Variants in CDH18 observed in about 807,000 individuals in gnomAD.
CDH18 encodes cadherin-18.
CDH18 carries 31 observed loss-of-function variants against 67.9 expected under a neutral mutation model. The observed-to-expected ratio is 0.46, with a 90% CI of 0.34 to 0.62. The LOEUF (loss-of-function observed/expected upper bound fraction) is 0.62. Ranked by LOEUF, CDH18 falls within the 20% of genes least tolerant of loss-of-function variation. The pLI is 0.01. For synonymous variants in CDH18, 362 were observed against 347.2 expected, an observed-to-expected ratio of 1.04 and a Z score of -0.48; for missense variants, 890 against 975.5, an observed-to-expected ratio of 0.91 and a Z score of 1.17.
chr5:20,514,081 A>C (rs993000836), intron 1 of CDH18, among the ~76,000 whole-genome samples: 3 of 152,180 alleles, frequency 2.0e-5, no homozygotes, highest in African/African-American at 7.2e-5. Flanking sequence ...TAGAAAAAAC[A>C]GTATATAAAA....
At chr5:19,750,663 C>A (rs1770713642) in intron 3 of CDH18, among the ~76,000 whole-genome samples, 1 of 151,920 alleles carries the variant, frequency 6.6e-6, no homozygotes, top group South Asian at 2.1e-4. Flanking sequence ...CTTAGCTAAC[C>A]ACTATACTAC....
rs936572396 is a variant in CDH18, at chr5:20,502,053, G to T, written c.-580+73409C>A. 3.3e-5 allele frequency among the ~76,000 whole-genome samples: 5 copies of T among 152,058 alleles called. No individual in the cohort carries two copies. In the East Asian group the frequency reaches 9.7e-4, roughly 29 times the overall value. On this transcript the variant is annotated intron_variant, in intron 1 of 14. Coordinates refer to the CDH18 transcript ENST00000507958. Reference sequence around the variant, plus strand: ...AAACAGTGTGTATCTTTTAGGACGAGCTGCTCTGACACCATTGTTCAGAAA... The same window carrying T: ...AAACAGTGTGTATCTTTTAGGACGATCTGCTCTGACACCATTGTTCAGAAA...
At chr5:20,336,826 A>AC (rs1369738982) in intron 1 of CDH18, among the ~76,000 whole-genome samples, 1 of 151,758 alleles carries the variant, frequency 6.6e-6, no homozygotes, top group Non-Finnish European at 1.5e-5. Context: ...CAATAAATCA[A>AC]CCTAAATGTC....
At chr5:20,113,793 T>G (rs1332377199) in intron 2 of CDH18, among the ~76,000 whole-genome samples, 2 of 152,132 alleles carry the variant, frequency 1.3e-5, no homozygotes, top group African/African-American at 4.8e-5. Flanking sequence ...CTAGCGCAAG[T>G]CCAGAGAGAA....
chr5:19,537,936 A>G (rs892835477), intron 9 of CDH18, among the ~76,000 whole-genome samples: 10 of 152,216 alleles, frequency 6.6e-5, no homozygotes, highest in African/African-American at 2.4e-4. Flanking sequence ...GCTAAAATAC[A>G]GAAAATTTTA....
chr5:20,231,526 G>A (rs1188477377), intron 2 of CDH18, among the ~76,000 whole-genome samples: 1 of 151,940 alleles, frequency 6.6e-6, no homozygotes, highest in Non-Finnish European at 1.5e-5. Context: ...TTGAACCCGG[G>A]AGGCGGAGGT....
At chr5:19,511,519 T>C (rs1436529105) in intron 10 of CDH18, among the ~76,000 whole-genome samples, 1 of 152,108 alleles carries the variant, frequency 6.6e-6, no homozygotes, top group Non-Finnish European at 1.5e-5. Flanking sequence ...CAGATAGTGA[T>C]ATCTAAAATG....
chr5:20,306,539 A>ATC (rs1171171540), intron 1 of CDH18, among the ~76,000 whole-genome samples: 2 of 151,970 alleles, frequency 1.3e-5, no homozygotes, highest in African/African-American at 2.4e-5. Context: ...GCATATGTTA[A>ATC]TCACACTCTT....
At chr5:19,830,937 A>G (rs1780956574) in intron 3 of CDH18, among the ~76,000 whole-genome samples, 2 of 152,098 alleles carry the variant, frequency 1.3e-5, no homozygotes, top group African/African-American at 2.4e-5. Flanking sequence ...ACGCAGGAAG[A>G]GAAAACCACA....
chr5:19,850,976 G>T (rs1000960115), intron 2 of CDH18, among the ~76,000 whole-genome samples: 1 of 151,828 alleles, frequency 6.6e-6, no homozygotes, highest in African/African-American at 2.4e-5. Flanking sequence ...TCAAAAGACT[G>T]AATATATCAC....
intron 1 of CDH18, among the ~76,000 whole-genome samples, chr5:20,337,685 T>C (rs1297469863): frequency 6.6e-6 from 1 of 152,210 alleles, no homozygotes; most frequent in Non-Finnish European, 1.5e-5. Context: ...TTTTCATATT[T>C]TCCTGTTTTC....
chr5:20,072,484 C>T (rs978885559), intron 2 of CDH18, among the ~76,000 whole-genome samples: 4 of 151,950 alleles, frequency 2.6e-5, no homozygotes, highest in East Asian at 3.9e-4. Context: ...GTAGTAACAA[C>T]TGAAATGGAC....
At chr5:20,328,508 T>TGA (rs1186669088) in intron 1 of CDH18, among the ~76,000 whole-genome samples, 52 of 112,098 alleles carry the variant, frequency 4.6e-4, no homozygotes, top group African/African-American at 1.2e-3. Flanking sequence ...TGTGTGTGTG[T>TGA]GAGAGAGAGA....
chr5:20,284,708 G>T (rs1477389027), intron 1 of CDH18, among the ~76,000 whole-genome samples: 1 of 151,896 alleles, frequency 6.6e-6, no homozygotes, highest in African/African-American at 2.4e-5. Flanking sequence ...TGCTAATTTA[G>T]CAAGGGAATT....
At chr5:20,237,935 T>C (rs902226391) in intron 2 of CDH18, among the ~76,000 whole-genome samples, 1 of 152,000 alleles carries the variant, frequency 6.6e-6, no homozygotes, top group Non-Finnish European at 1.5e-5. Context: ...TAAGAGACTA[T>C]GGTATTGGCA....
At chr5:20,255,353 T>G (rs1744153650) in intron 2 of CDH18, 1 of 152,210 alleles carries the variant, frequency 6.6e-6, no homozygotes, top group Non-Finnish European at 1.5e-5. Flanking sequence ...AATTTTGACA[T>G]TTCTATAATA....
rs543309847 is a variant in CDH18, at chr5:20,410,267, AT to A, written c.-579-154763del. Among the ~76,000 whole-genome samples, 21 of 151,998 alleles carry A rather than the reference AT, an allele frequency of 1.4e-4. No individual in the cohort carries two copies. The East Asian group carries it at 3.9e-3, about 28-fold the overall frequency. ...TGCTAGCAAACTGAAACAATAGCACATTAAAATGTCTCCATACCATGATTAA... is the reference window on the plus strand; with the variant it reads ...TGCTAGCAAACTGAAACAATAGCACATAAAATGTCTCCATACCATGATTAA... On this transcript the variant is annotated intron_variant, in intron 1 of 14. Coordinates refer to the CDH18 transcript ENST00000507958.
At chr5:20,529,643 G>T (rs56232914) in intron 1 of CDH18, among the ~76,000 whole-genome samples, 26,981 of 151,960 alleles carry the variant, frequency 0.18, 2,925 homozygotes, top group East Asian at 0.39. Context: ...AAAACCAGAT[G>T]ATTATCTCAA....
At chr5:20,145,453 A>G (rs1750569129) in intron 2 of CDH18, among the ~76,000 whole-genome samples, 1 of 152,184 alleles carries the variant, frequency 6.6e-6, no homozygotes, top group African/African-American at 2.4e-5. Context: ...TCATTGTAAA[A>G]TCTTTACAGT....
Sources: allele counts gnomAD v4.1 joint callset (sites outside exome capture counted in the v4.1 genomes callset), GRCh38; gene constraint gnomAD v4.1.1; transcripts MANE v1.5; gene names NCBI Gene and HGNC (gene_info 2026-07-23, HGNC 2026-07-21).